VLDLR: variants seen among roughly 807,000 people sequenced by gnomAD.
VLDLR encodes very low density lipoprotein receptor, also known as very low-density lipoprotein receptor.
VLDLR carries 81 observed loss-of-function variants against 112.7 expected under a neutral mutation model. The observed-to-expected ratio is 0.72, with a 90% CI of 0.60 to 0.86. VLDLR has a LOEUF of 0.86. Among genes scored for constraint, VLDLR ranks in the 40% least tolerant of loss-of-function variants. VLDLR has a pLI of 0.00. For synonymous variants in VLDLR, 436 were observed against 384.8 expected (o/e 1.13, Z -1.56); for missense variants, 1,237 against 1,099.4 (o/e 1.13, Z -1.77).
intron 9 of VLDLR, among the ~76,000 whole-genome samples, 183 bp downstream of exon 9, chr9:2,645,265 C>T (rs1274516897): frequency 6.6e-6 from 1 of 152,190 alleles, no homozygotes; most frequent in Admixed American, 6.5e-5. Context: ...GTACCTTGAT[C>T]ATTCCTTTTG....
At chr9:2,627,398 A>G (rs1320554556) in intron 1 of VLDLR, among the ~76,000 whole-genome samples, 1 of 152,224 alleles carries the variant, frequency 6.6e-6, no homozygotes, top group African/African-American at 2.4e-5. Context: ...AAAACATGTC[A>G]GAAGTAAAAT....
intron 1 of VLDLR, among the ~76,000 whole-genome samples, chr9:2,623,387 C>A (rs1436888557): frequency 6.6e-6 from 1 of 152,268 alleles, no homozygotes; most frequent in African/African-American, 2.4e-5. Flanking sequence ...TTGCCAGCTG[C>A]AGGGAATTGG....
At chr9:2,625,130 A>G (rs1817033532) in intron 1 of VLDLR, among the ~76,000 whole-genome samples, 1 of 152,210 alleles carries the variant, frequency 6.6e-6, no homozygotes, top group Admixed American at 6.5e-5. Flanking sequence ...AAGTGTCTCT[A>G]CCTGTCATAA....
chr9:2,643,031 T>C, intron 4 of VLDLR, 129 bp from the exon 5 acceptor site: 12 of 1,396,004 alleles, frequency 8.6e-6, no homozygotes, highest in Non-Finnish European at 1.2e-5. Context: ...TTTAACTCCA[T>C]TGTAGCCTTT....
intron 16 of VLDLR, 61 bp downstream of exon 16, chr9:2,651,559 C>T (rs1189520380): frequency 6.3e-6 from 9 of 1,426,522 alleles, no homozygotes; most frequent in Middle Eastern, 1.7e-4. Context: ...TTTGTATCTA[C>T]AGCTTAAATA....
intron 1 of VLDLR, among the ~76,000 whole-genome samples, chr9:2,626,758 A>G (rs948819322): frequency 2.6e-5 from 4 of 152,192 alleles, no homozygotes; most frequent in South Asian, 2.1e-4. Context: ...CAATTTGCCA[A>G]CCAAGGGACA....
chr9:2,640,279 G>C (rs1586647293), intron 3 of VLDLR, among the ~76,000 whole-genome samples: 1 of 152,206 alleles, frequency 6.6e-6, no homozygotes. Flanking sequence ...TCAAATGTCT[G>C]TTTATAATAA....
At chr9:2,624,312 G>C (rs1220362357) in intron 1 of VLDLR, among the ~76,000 whole-genome samples, 2 of 152,214 alleles carry the variant, frequency 1.3e-5, no homozygotes, top group Non-Finnish European at 2.9e-5. Flanking sequence ...ACCGGCATCT[G>C]TCTTAAGTTC....
Position 2,646,536 on chromosome 9 carries a change from G to A in VLDLR, c.1687G>A (p.Val563Met). The A allele has an allele frequency of 6.2e-7, 1 of 1,614,142 alleles. No individual in the cohort carries two copies. The highest frequency in any genetic ancestry group is 8.5e-7 in the Non-Finnish European group (1 of 1,180,012). The change falls in exon 11 of 19, where the codon GTG becomes ATG. Residue 563 changes from valine to methionine, a missense_variant. Coordinates refer to ENST00000382100, the MANE Select transcript of VLDLR (RefSeq NM_003383.5). ...CTTGCGAGAGCCTGCCTCCATAGCT[G>A]TGGACCCACTGTCTGGGTTTGTAGT... ...SDLREPASIA[V>M]DPLSGFVYWS...
chr9:2,622,705 C>T (rs1170868703), intron 1 of VLDLR, among the ~76,000 whole-genome samples: 1 of 152,036 alleles, frequency 6.6e-6, no homozygotes, highest in Non-Finnish European at 1.5e-5. Context: ...CCGGGGAGTG[C>T]GGGAGCGGAC....
rs59793046 is a variant in VLDLR, at chr9:2,644,153, G to GT, written c.1066+216dup. Among the ~76,000 whole-genome samples, 2,196 of 96,286 alleles carry GT rather than the reference G, an allele frequency of 0.023. 62 individuals carry two copies. The highest frequency in any genetic ancestry group is 0.032 in the African/African-American group (700 of 22,090). The allele number at this position is 96,286 out of a possible 152,430, so 63.2% of individuals were successfully genotyped here. ...CTAGTTTATAGTTTTTGTTTTTGTT[G>GT]TTTTTTTTTTTTTTTTTTTTTTGAG... is the stretch of plus-strand genomic sequence containing the variant. On this transcript the variant is annotated intron_variant, in intron 7 of 18. Transcript: ENST00000382100.
At chr9:2,631,619 C>A (rs34517530) in intron 1 of VLDLR, among the ~76,000 whole-genome samples, 111 of 151,972 alleles carry the variant, frequency 7.3e-4, no homozygotes, top group African/African-American at 2.5e-3. Flanking sequence ...ATATTTCATT[C>A]CATGGAGGTA....
chr9:2,628,773 A>G (rs1817211240), intron 1 of VLDLR, among the ~76,000 whole-genome samples: 1 of 152,190 alleles, frequency 6.6e-6, no homozygotes, highest in South Asian at 2.1e-4. Flanking sequence ...CAGGGAGGGA[A>G]GGATGGATTT....
At chr9:2,627,012 C>T (rs919179433) in intron 1 of VLDLR, among the ~76,000 whole-genome samples, 4 of 152,190 alleles carry the variant, frequency 2.6e-5, no homozygotes, top group African/African-American at 7.2e-5. Context: ...TAATGTACAT[C>T]TACTGAGTAC....
intron 2 of VLDLR, among the ~76,000 whole-genome samples, chr9:2,639,278 G>A (rs1002626339): frequency 2.0e-5 from 3 of 152,024 alleles, no homozygotes; most frequent in Non-Finnish European, 4.4e-5. Context: ...AGATAACAAA[G>A]AGAGAGAGAG....
intron 13 of VLDLR, 67 bp from the exon 14 acceptor site, chr9:2,648,602 T>G (rs1818172079): frequency 6.2e-7 from 1 of 1,610,680 alleles, no homozygotes; most frequent in Non-Finnish European, 8.5e-7. Context: ...AAGTAAATGA[T>G]GATGACCTTA....
At chr9:2,650,867 G>A (rs993318033) in intron 15 of VLDLR, among the ~76,000 whole-genome samples, 1 of 152,306 alleles carries the variant, frequency 6.6e-6, no homozygotes, top group South Asian at 2.1e-4. Flanking sequence ...CATGGTTACA[G>A]AAACCTCATT....
chr9:2,651,546 C>CTCTTTGTATCTACAGCTTAAA (rs1818338778), intron 16 of VLDLR, 48 bp downstream of exon 16: 1 of 1,464,956 alleles, frequency 6.8e-7, no homozygotes, highest in Non-Finnish European at 9.6e-7. Context: ...AACAGCCACA[C>CTCTTTGTATCTACAGCTTAAA]TCTTTGTATC....
chr9:2,642,451 C>A (rs1009457932), intron 4 of VLDLR, among the ~76,000 whole-genome samples: 6 of 152,150 alleles, frequency 3.9e-5, no homozygotes, highest in Non-Finnish European at 7.4e-5. Context: ...AAGTGTTTCC[C>A]TTATAAATCT....
Sources: allele counts gnomAD v4.1 joint callset (sites outside exome capture counted in the v4.1 genomes callset), GRCh38; gene constraint gnomAD v4.1.1; transcripts MANE v1.5; gene names NCBI Gene and HGNC (gene_info 2026-07-23, HGNC 2026-07-21).